MRC2: variants seen among roughly 807,000 people sequenced by gnomAD.
MRC2 encodes the protein mannose receptor C-type 2, also known as C-type mannose receptor 2.
A neutral mutation model predicts 206.2 loss-of-function variants in MRC2; 84 were observed. That is an observed-to-expected ratio of 0.41 (90% CI 0.34 to 0.49). MRC2 has a LOEUF of 0.49. Among genes scored for constraint, MRC2 ranks in the 20% least tolerant of loss-of-function variants. MRC2 has a pLI of 0.31. For synonymous variants in MRC2, 798 were observed against 800.0 expected, an observed-to-expected ratio of 1.00 and a Z score of 0.04; for missense variants, 1,676 against 2,001.5, an observed-to-expected ratio of 0.84 and a Z score of 3.10.
chr17:62,648,998 C>T (rs539304313), intron 1 of MRC2, among the ~76,000 whole-genome samples: 1 of 152,214 alleles, frequency 6.6e-6, no homozygotes, highest in Admixed American at 6.5e-5. Flanking sequence ...AGCCTTCTCT[C>T]CCTTTGTCCT....
chr17:62,650,118 C>G (rs2088538331), intron 1 of MRC2, among the ~76,000 whole-genome samples: 1 of 152,170 alleles, frequency 6.6e-6, no homozygotes, highest in African/African-American at 2.4e-5. Context: ...TGGCCTCGAA[C>G]TCTTGGCCTC....
rs1262801336 is a variant in MRC2, at chr17:62,692,802, A to ACC, written c.*355_*356dup. ...CAGGCCTGTTGATCCGCGCCCCAGG[A>ACC]CCCCCTTCTTTGCAGAGCCCGAGGA... On this transcript the variant is annotated 3_prime_UTR_variant, in exon 30 of 30. Transcript: ENST00000303375. This position sits in a 1 kb window ranked among gnomAD's most constrained non-coding sequence, Gnocchi z 4.2. 1 of 256,492 alleles carries ACC rather than the reference A, an allele frequency of 3.9e-6. No individual in the cohort carries two copies. Among genetic ancestry groups the ACC allele is most frequent in the African/African-American group, 2.2e-5 (1 of 45,476 alleles). 15.9% of individuals were successfully genotyped at this position (256,492 alleles called of 1,614,324 possible).
At chr17:62,649,497 A>C (rs1375038707) in intron 1 of MRC2, among the ~76,000 whole-genome samples, 1 of 152,192 alleles carries the variant, frequency 6.6e-6, no homozygotes, top group African/African-American at 2.4e-5. Flanking sequence ...TGGCTGAGGC[A>C]GGAGAATCCC....
intron 11 of MRC2, among the ~76,000 whole-genome samples, chr17:62,676,822 T>C (rs532366177): frequency 3.4e-4 from 52 of 152,336 alleles, no homozygotes; most frequent in African/African-American, 1.1e-3. Flanking sequence ...TGCTAATATG[T>C]GTAAAGAGTT....
chr17:62,689,175 G>A (rs954987501), intron 23 of MRC2, among the ~76,000 whole-genome samples: 4 of 152,174 alleles, frequency 2.6e-5, no homozygotes, highest in African/African-American at 9.7e-5. Flanking sequence ...GGCTCGTTGG[G>A]TCGGGGGGAG....
At chr17:62,663,204 C>CTCCCTCCCTCAT (rs1290211942) in intron 1 of MRC2, among the ~76,000 whole-genome samples, 5 of 148,958 alleles carry the variant, frequency 3.4e-5, no homozygotes, top group African/African-American at 1.2e-4. Context: ...CCCTCCCTCC[C>CTCCCTCCCTCAT]TCCCTCCCTC....
chr17:62,630,011 A>T (rs937494543), intron 1 of MRC2, among the ~76,000 whole-genome samples: 1 of 152,098 alleles, frequency 6.6e-6, no homozygotes, highest in African/African-American at 2.4e-5. Context: ...ACCTTGGTGG[A>T]GTGGCCCGCG....
chr17:62,660,956 G>T (rs528899865), intron 1 of MRC2, among the ~76,000 whole-genome samples: 1 of 152,176 alleles, frequency 6.6e-6, no homozygotes, highest in East Asian at 1.9e-4. Flanking sequence ...GCCATGAAGA[G>T]CATTATAATC....
Position 62,680,771 on chromosome 17 carries a change from C to T in MRC2, c.2474-29C>T, listed in dbSNP as rs776083319. The T allele has an allele frequency of 9.7e-6, 15 of 1,548,366 alleles. No homozygotes were observed. The highest frequency in any genetic ancestry group is 1.2e-5 in the Non-Finnish European group (14 of 1,148,882). On this transcript the variant is annotated intron_variant, in intron 16 of 29. Transcript: ENST00000303375. The surrounding 1 kb of genome is among the most constrained non-coding windows in gnomAD (Gnocchi z 4.8). ...CTGGCGTGCAGCCTCTGCCTGGCCG[C>T]CGCTCCCACGCCCGCGCTGCTCCTG...
chr17:62,667,431 C>A lies in MRC2; in HGVS notation c.1015C>A (p.Arg339Ser). ...NPSEENCGVI[R>S]TESSGGWQNR... ...CAGTGAGGAGAACTGTGGAGTGATC[C>A]GCACTGAGTCCTCGGGCGGCTGGCA... The change falls in exon 6 of 30, where the codon CGC (arginine) becomes AGC (serine). Residue 339 changes from arginine (R) to serine (S), a missense_variant. By Grantham distance (110) the Arg-to-Ser change is moderately radical. This residue lies in a region of MRC2 where 1,354 missense variants were observed against 1,636.6 expected (regional missense o/e 0.83). Transcript: ENST00000303375. This position sits in a 1 kb window ranked among gnomAD's most constrained non-coding sequence, Gnocchi z 4.1. 1 of 1,612,262 alleles carries A rather than the reference C, an allele frequency of 6.2e-7. No individual in the cohort carries two copies. The highest frequency in any genetic ancestry group is 8.5e-7 in the Non-Finnish European group (1 of 1,179,594).
At chr17:62,655,529 G>A (rs958812718) in intron 1 of MRC2, among the ~76,000 whole-genome samples, 1 of 151,588 alleles carries the variant, frequency 6.6e-6, no homozygotes, top group Non-Finnish European at 1.5e-5. Flanking sequence ...GCAACAGAGC[G>A]AGACTCCATC....
Position 62,646,960 on chromosome 17 carries a change from C to T in MRC2, c.119-17588C>T, listed in dbSNP as rs529565451. Among the ~76,000 whole-genome samples, 3 of 152,186 alleles carry T rather than the reference C, an allele frequency of 2.0e-5. No individual in the cohort carries two copies. In the South Asian group the frequency reaches 6.2e-4, roughly 32 times the overall value. ...AGTTGTTCTGGAACCCTGATGTACC[C>T]CAGAATTGCTTGGGACTCTTGTTTA... On this transcript the variant is annotated intron_variant, in intron 1 of 29. Coordinates refer to ENST00000303375, the MANE Select transcript of MRC2 (RefSeq NM_006039.5).
Position 62,680,837 on chromosome 17 carries a change from C to T in MRC2, c.2511C>T (p.Tyr837=), listed in dbSNP as rs778568597. The T allele has an allele frequency of 6.2e-7, 1 of 1,612,852 alleles. No individual in the cohort carries two copies. The highest frequency in any genetic ancestry group is 8.5e-7 in the Non-Finnish European group (1 of 1,179,856). The change falls in exon 17 of 30, where the codon TAC becomes TAT. Residue 837 remains tyrosine (Y), a synonymous_variant. Coordinates refer to ENST00000303375, the MANE Select transcript of MRC2 (RefSeq NM_006039.5). The surrounding 1 kb of genome is among the most constrained non-coding windows in gnomAD (Gnocchi z 4.8). ...REWLRFQEAE[Y]KFFEHHSTWA... ...GGCTGCGCTTCCAGGAGGCCGAGTA[C>T]AAGTTCTTTGAGCACCACTCCACGT...
chr17:62,664,438 G>A lies in MRC2; in HGVS notation c.119-110G>A. 1 of 1,237,248 alleles carries A rather than the reference G, an allele frequency of 8.1e-7. No individual in the cohort carries two copies. Among genetic ancestry groups the A allele is most frequent in the Non-Finnish European group, 1.1e-6 (1 of 887,896 alleles). The allele number at this position is 1,237,248 out of a possible 1,614,324, so 76.6% of individuals were successfully genotyped here. ...CGAGTGATTTAACGTATGAGTGACG[G>A]CTCACCATCCTGCACTGGGCACATG... is the stretch of plus-strand genomic sequence containing the variant. On this transcript the variant is annotated intron_variant, in intron 1 of 29. Transcript: ENST00000303375. The surrounding 1 kb of genome is among the most constrained non-coding windows in gnomAD (Gnocchi z 4.7).
intron 1 of MRC2, among the ~76,000 whole-genome samples, chr17:62,628,901 A>C (rs1658150155): frequency 6.6e-6 from 1 of 152,136 alleles, no homozygotes; most frequent in African/African-American, 2.4e-5. Flanking sequence ...GGATGGGGAC[A>C]GTCCGTGCAG....
At chr17:62,645,525 ATATTTTTTTT>A (rs1333645401) in intron 1 of MRC2, among the ~76,000 whole-genome samples, 123 of 38,528 alleles carry the variant, frequency 3.2e-3, no homozygotes, top group Middle Eastern at 0.029. Flanking sequence ...ATATATATAT[ATATTTTTTTT>A]TTTTTTTTTT....
At chr17:62,628,015 T>C in intron 1 of MRC2, 95 bp downstream of exon 1, 1 of 809,696 alleles carries the variant, frequency 1.2e-6, no homozygotes, top group Non-Finnish European at 1.8e-6. Flanking sequence ...TTCCCCCCTC[T>C]TTTCTCCAGA....
chr17:62,689,281 C>A, intron 23 of MRC2: 1 of 579,646 alleles, frequency 1.7e-6, no homozygotes, highest in African/African-American at 1.9e-5. Context: ...GCGTAGGTGG[C>A]CTCTGCGCCG....
At chr17:62,682,164 G>C in intron 19 of MRC2, 71 bp from the exon 20 acceptor site, 2 of 1,434,340 alleles carry the variant, frequency 1.4e-6, no homozygotes, top group African/African-American at 2.9e-5. Context: ...GCATGAGGCT[G>C]AGTGTGCTGC....
Sources: gnomAD v4.1 joint callset for allele counts (sites outside exome capture counted in the v4.1 genomes callset) on GRCh38, gnomAD v4.1.1 for gene constraint, gnomAD v4.1.1 regional missense constraint, Gnocchi (gnomAD v3.1) non-coding constraint, MANE v1.5 for transcripts, NCBI Gene and HGNC (gene_info 2026-07-23, HGNC 2026-07-21) for gene names.